CYB5D1: variants seen among roughly 807,000 people sequenced by gnomAD.
CYB5D1 encodes cytochrome b5 domain containing 1.
A neutral mutation model predicts 24.3 loss-of-function variants in CYB5D1; 30 were observed. The ratio of observed to expected loss-of-function variants is 1.23; its 90% CI spans 0.92 to 1.67. The LOEUF is 1.67. CYB5D1 is among the 40% of genes most tolerant of loss of function. The probability of loss-of-function intolerance (pLI) is 0.00; values close to 1 mark genes in which losing one functional copy is unlikely to be tolerated. For synonymous variants in CYB5D1, 128 were observed against 123.2 expected (o/e 1.04, Z -0.26); for missense variants, 265 against 296.7 (o/e 0.89, Z 0.79).
rs551277245 is a variant in CYB5D1, at chr17:7,858,088, G to A, written c.-47G>A. The A allele has an allele frequency of 1.2e-6, 2 of 1,608,536 alleles. No individual in the cohort carries two copies. The highest frequency in any genetic ancestry group is 3.3e-5 in the Admixed American group (2 of 59,904). ...GTAGTAGTAGTGAGTACGTGCTGAG[G>A]AGCAAAGGAGTAACCAAGAGATCCA... On this transcript the variant is annotated 5_prime_UTR_variant, in exon 1 of 4. Coordinates refer to ENST00000332439, the MANE Select transcript of CYB5D1 (RefSeq NM_144607.6).
At chr17:7,859,024 G>C (rs570474759) in intron 3 of CYB5D1, 200 bp downstream of exon 3, 2 of 571,932 alleles carry the variant, frequency 3.5e-6, no homozygotes, top group Non-Finnish European at 6.1e-6. Flanking sequence ...AGGGGGACAA[G>C]AGACTCCTTT....
Position 7,858,032 on chromosome 17 carries a change from C to G in CYB5D1, c.-103C>G. ...GTTTCCATGTCAGCGGATAAACGCT[C>G]TCCCCTCGGCTCCCGGACGCGACGG... On this transcript the variant is annotated 5_prime_UTR_variant, in exon 1 of 4. Coordinates refer to ENST00000332439, the MANE Select transcript of CYB5D1 (RefSeq NM_144607.6). 6.5e-7 allele frequency: 1 copy of G among 1,540,678 alleles called. No homozygotes were observed. Among genetic ancestry groups the G allele is most frequent in the Non-Finnish European group, 8.7e-7 (1 of 1,148,724 alleles).
Position 7,859,678 on chromosome 17 carries a change from G to C in CYB5D1, c.*66G>C. On this transcript the variant is annotated 3_prime_UTR_variant, in exon 4 of 4. Coordinates refer to ENST00000332439, the MANE Select transcript of CYB5D1 (RefSeq NM_144607.6). ...GAGTTTGGCTTTTTCTGTGCCTTGA[G>C]GAAAAGTGGTGGGGCCGAGGGGTGC... is the stretch of plus-strand genomic sequence containing the variant. 2.7e-6 allele frequency: 4 copies of C among 1,504,354 alleles called. No homozygotes were observed. The highest frequency in any genetic ancestry group is 2.8e-6 in the Non-Finnish European group (3 of 1,085,102). The allele number at this position is 1,504,354 out of a possible 1,614,324, so 93.2% of individuals were successfully genotyped here.
Position 7,859,743 on chromosome 17 carries a change from T to C in CYB5D1, c.*131T>C. ...CCACTCCTCTCCAGGAGCTAGCCTGTGCCCTTCTGAAGTGTAAAGGCCCTA... is the reference window on the plus strand; with the variant it reads ...CCACTCCTCTCCAGGAGCTAGCCTGCGCCCTTCTGAAGTGTAAAGGCCCTA... On this transcript the variant is annotated 3_prime_UTR_variant, in exon 4 of 4. Transcript: ENST00000332439. 2.6e-6 allele frequency: 2 copies of C among 763,356 alleles called. No homozygotes were observed. Among genetic ancestry groups the C allele is most frequent in the Non-Finnish European group, 4.4e-6 (2 of 455,844 alleles). 47.3% of individuals were successfully genotyped at this position (763,356 alleles called of 1,614,324 possible). A position where few individuals can be genotyped will look rare whatever the true frequency, so the allele number is the denominator to read the frequency against.
At position 7,860,891 on chromosome 17, in the gene CYB5D1, T is replaced by C. The variant is rs2078878059; in HGVS notation, c.*1279T>C. The C allele has an allele frequency of 6.6e-6, 1 of 151,998 alleles. No individual in the cohort carries two copies. The highest frequency in any genetic ancestry group is 2.1e-4 in the South Asian group (1 of 4,828). The allele number at this position is 151,998 out of a possible 1,614,324, so 9.4% of individuals were successfully genotyped here. A position where few individuals can be genotyped will look rare whatever the true frequency, so the allele number is the denominator to read the frequency against. ...GGTATTTACTAACTTGAAGGAAAACTAGAGTGGGGAAAAGGCCGGCAAATT... is the reference window on the plus strand; with the variant it reads ...GGTATTTACTAACTTGAAGGAAAACCAGAGTGGGGAAAAGGCCGGCAAATT... On this transcript the variant is annotated 3_prime_UTR_variant, in exon 4 of 4. Coordinates refer to ENST00000332439, the MANE Select transcript of CYB5D1 (RefSeq NM_144607.6).
chr17:7,859,240 A>C (rs773186879), intron 3 of CYB5D1, 142 bp from the exon 4 acceptor site: 72 of 657,032 alleles, frequency 1.1e-4, no homozygotes, highest in Non-Finnish European at 1.7e-4. Context: ...TGCTCATTGC[A>C]TGCTGGAGTT....
In CYB5D1 at chr17:7,858,396, T is replaced by C. The variant is rs73233615; in HGVS notation, c.161-7T>C. 3.3e-3 allele frequency: 5,361 copies of C among 1,614,104 alleles called. 159 individuals carry two copies. The African/African-American group carries it at 0.063, about 19-fold the overall frequency. On this transcript the variant is annotated splice_region_variant and splice_polypyrimidine_tract_variant and intron_variant, in intron 1 of 3. Coordinates refer to ENST00000332439, the MANE Select transcript of CYB5D1 (RefSeq NM_144607.6). ...GCATTGACAGTGGCTGTGCTGCTCT[T>C]TTCAAGGGAACCTGCTGCTGAAACC...
chr17:7,858,364 A>G, intron 1 of CYB5D1, 39 bp from the exon 2 acceptor site: 3 of 1,614,064 alleles, frequency 1.9e-6, no homozygotes, highest in Non-Finnish European at 2.5e-6. Flanking sequence ...TGGTTCTCGA[A>G]GGGCTGGCAT....
In CYB5D1 at chr17:7,860,951, TTTGCC is replaced by T. The variant is rs2078878744; in HGVS notation, c.*1340_*1344del. The T allele has an allele frequency of 6.6e-6, 1 of 152,076 alleles. No homozygotes were observed. Among genetic ancestry groups the T allele is most frequent in the South Asian group, 2.1e-4 (1 of 4,822 alleles). The allele number at this position is 152,076 out of a possible 1,614,324, so 9.4% of individuals were successfully genotyped here. A position where few individuals can be genotyped will look rare whatever the true frequency, so the allele number is the denominator to read the frequency against. On this transcript the variant is annotated 3_prime_UTR_variant, in exon 4 of 4. Transcript: ENST00000332439. The stretch of plus-strand genomic sequence containing the variant: ...TTGGCGAGGGAGAAAAAGGAGGCAG[TTTGCC>T]ACTTGGAGAAGATGAGGAAGACAGG...
rs569715074 is a variant in CYB5D1 at position 7,858,107 on chromosome 17, A to C, written c.-28A>C. On this transcript the variant is annotated 5_prime_UTR_variant, in exon 1 of 4. Coordinates refer to ENST00000332439, the MANE Select transcript of CYB5D1 (RefSeq NM_144607.6). Reference sequence around the variant, plus strand: ...GCTGAGGAGCAAAGGAGTAACCAAGAGATCCAGTGACCGACAGAGCAAGAG... The same window carrying C: ...GCTGAGGAGCAAAGGAGTAACCAAGCGATCCAGTGACCGACAGAGCAAGAG... 9.3e-6 allele frequency: 15 copies of C among 1,612,200 alleles called. No individual in the cohort carries two copies. In the African/African-American group the frequency reaches 9.3e-5, roughly 10 times the overall value.
chr17:7,859,713 G>C lies in CYB5D1; in HGVS notation c.*101G>C. 1 of 987,942 alleles carries C rather than the reference G, an allele frequency of 1.0e-6. No homozygotes were observed. The highest frequency in any genetic ancestry group is 1.6e-6 in the Non-Finnish European group (1 of 635,442). The allele number at this position is 987,942 out of a possible 1,614,324, so 61.2% of individuals were successfully genotyped here. On this transcript the variant is annotated 3_prime_UTR_variant, in exon 4 of 4. Coordinates refer to ENST00000332439, the MANE Select transcript of CYB5D1 (RefSeq NM_144607.6). ...TGGGGCCGAGGGGTGCCTGGACCCA[G>C]ATCTCCACTCCTCTCCAGGAGCTAG... is the stretch of plus-strand genomic sequence containing the variant.
chr17:7,858,104 A>G lies in CYB5D1; in HGVS notation c.-31A>G. On this transcript the variant is annotated 5_prime_UTR_variant, in exon 1 of 4. Coordinates refer to ENST00000332439, the MANE Select transcript of CYB5D1 (RefSeq NM_144607.6). ...CGTGCTGAGGAGCAAAGGAGTAACCAAGAGATCCAGTGACCGACAGAGCAA... is the reference window on the plus strand; with the variant it reads ...CGTGCTGAGGAGCAAAGGAGTAACCGAGAGATCCAGTGACCGACAGAGCAA... 6.2e-7 allele frequency: 1 copy of G among 1,611,934 alleles called. No individual in the cohort carries two copies. Among genetic ancestry groups the G allele is most frequent in the Non-Finnish European group, 8.5e-7 (1 of 1,179,628 alleles).
chr17:7,858,450 A>T lies in CYB5D1; in HGVS notation c.208A>T (p.Ser70Cys). ...PIVEVAGQDISHWFDPKTRDI... is the reference protein window; with the variant it reads ...PIVEVAGQDICHWFDPKTRDI... ...CGTGGAAGTTGCAGGCCAGGATATCAGCCACTGGTTTGATCCAAAGACCAG... is the reference window on the plus strand; with the variant it reads ...CGTGGAAGTTGCAGGCCAGGATATCTGCCACTGGTTTGATCCAAAGACCAG... The change falls in exon 2 of 4, where the codon AGC becomes TGC. Residue 70 changes from serine to cysteine, a missense_variant. Coordinates refer to ENST00000332439, the MANE Select transcript of CYB5D1 (RefSeq NM_144607.6). The T allele has an allele frequency of 6.2e-7, 1 of 1,614,224 alleles. No homozygotes were observed. The highest frequency in any genetic ancestry group is 1.1e-5 in the South Asian group (1 of 91,090).
In CYB5D1 at chr17:7,858,081, TGCTGAGGA is replaced by T; in HGVS notation, c.-51_-44del. On this transcript the variant is annotated 5_prime_UTR_variant, in exon 1 of 4. Transcript: ENST00000332439. ...GGAGGTCGTAGTAGTAGTGAGTACG[TGCTGAGGA>T]GCAAAGGAGTAACCAAGAGATCCAG... 3 of 1,606,124 alleles carry T rather than the reference TGCTGAGGA, an allele frequency of 1.9e-6. No individual in the cohort carries two copies. The Admixed American group carries it at 5.0e-5, about 27-fold the overall frequency.
intron 3 of CYB5D1, chr17:7,859,059 G>A: frequency 1.8e-6 from 1 of 570,612 alleles, no homozygotes; most frequent in Non-Finnish European, 3.1e-6. Context: ...AGCAGTTCAT[G>A]TATCTTAGTG....
intron 3 of CYB5D1, 57 bp from the exon 4 acceptor site, chr17:7,859,325 G>GTGTA: frequency 7.1e-7 from 1 of 1,406,322 alleles, no homozygotes; most frequent in Admixed American, 1.8e-5. Context: ...ATCCCAGCGT[G>GTGTA]TGTATATGTA....
intron 3 of CYB5D1, 57 bp downstream of exon 3, chr17:7,858,881 C>T (rs1226600053): frequency 2.1e-6 from 3 of 1,439,402 alleles, no homozygotes; most frequent in Non-Finnish European, 2.8e-6. Flanking sequence ...AGCAAATCTC[C>T]AGGCCGATCT....
chr17:7,858,997 A>C, intron 3 of CYB5D1, 173 bp downstream of exon 3: 1 of 610,016 alleles, frequency 1.6e-6, no homozygotes, highest in Non-Finnish European at 2.7e-6. Context: ...TGGGAATTCT[A>C]GGAGTGTCTG....
chr17:7,858,159 G>A lies in CYB5D1; in HGVS notation c.25G>A (p.Gly9Arg), dbSNP rs1437519798. ...CATGCCGCGCCGGGGCCTGGTGGCT[G>A]GGCCAGACTTGGAGTATTTTCAGCG... MPRRGLVA[G>R]PDLEYFQRRY... Residue 9 changes from glycine to arginine, a missense_variant, in exon 1 of 4, where the codon GGG becomes AGG. Transcript: ENST00000332439. The A allele has an allele frequency of 1.9e-6, 3 of 1,613,564 alleles. No homozygotes were observed. Among genetic ancestry groups the A allele is most frequent in the Non-Finnish European group, 8.5e-7 (1 of 1,179,948 alleles).
Sources: gnomAD v4.1 joint callset for allele counts on GRCh38, gnomAD v4.1.1 for gene constraint, MANE v1.5 for transcripts, NCBI Gene and HGNC (gene_info 2026-07-23, HGNC 2026-07-21) for gene names.